Variants in RBFOX1 observed in about 807,000 individuals in gnomAD.
RBFOX1 encodes the protein RNA binding fox-1 homolog 1.
RBFOX1 carries 8 observed loss-of-function variants against 57.7 expected under a neutral mutation model. The observed-to-expected ratio is 0.14, with a 90% confidence interval of 0.08 to 0.25. The LOEUF (loss-of-function observed/expected upper bound fraction) is 0.25, where lower values mean the gene tolerates loss of function less well. Ranked by LOEUF, RBFOX1 falls within the 10% of genes least tolerant of loss-of-function variation. The probability of loss-of-function intolerance (pLI) is 1.00; values close to 1 mark genes in which losing one functional copy is unlikely to be tolerated. For missense variants in RBFOX1, 611 were observed against 548.5 expected, an observed-to-expected ratio of 1.11 and a Z score of -1.14; for synonymous variants, 326 against 222.4, an observed-to-expected ratio of 1.47 and a Z score of -4.15.
intron 1 of RBFOX1, among the ~76,000 whole-genome samples, chr16:5,402,106 C>T (rs897585437): frequency 2.0e-5 from 3 of 151,886 alleles, no homozygotes; most frequent in African/African-American, 7.3e-5. Flanking sequence ...GGGCATTTAC[C>T]AGTCCCAGGC....
chr16:7,299,472 C>T (rs891657458), intron 4 of RBFOX1, among the ~76,000 whole-genome samples: 1 of 152,214 alleles, frequency 6.6e-6, no homozygotes, highest in Admixed American at 6.5e-5. Flanking sequence ...TACACAGAAT[C>T]AGGCTCTAAT....
intron 5 of RBFOX1, among the ~76,000 whole-genome samples, chr16:7,536,064 A>G (rs900734426): frequency 2.0e-5 from 3 of 152,228 alleles, no homozygotes; most frequent in Admixed American, 1.3e-4. Flanking sequence ...GAATGCAGCC[A>G]GCCATCTGTA....
intron 4 of RBFOX1, among the ~76,000 whole-genome samples, chr16:7,058,595 C>T (rs1448032752): frequency 6.6e-6 from 1 of 151,736 alleles, no homozygotes; most frequent in African/African-American, 2.4e-5. Context: ...TGTGTGCATG[C>T]GCATGTGTCT....
chr16:7,168,999 A>G (rs2080140889), intron 4 of RBFOX1, among the ~76,000 whole-genome samples: 1 of 152,188 alleles, frequency 6.6e-6, no homozygotes, highest in Admixed American at 6.5e-5. Flanking sequence ...AGAGCAATAA[A>G]CTATAGCACA....
intron 2 of RBFOX1, among the ~76,000 whole-genome samples, chr16:6,653,064 T>G (rs542679386): frequency 1.3e-5 from 2 of 152,182 alleles, no homozygotes; most frequent in Non-Finnish European, 2.9e-5. Context: ...CTCTTTCCAG[T>G]GCATTTCCCC....
intron 3 of RBFOX1, among the ~76,000 whole-genome samples, chr16:6,676,527 T>A (rs965421507): frequency 3.3e-5 from 5 of 152,094 alleles, no homozygotes; most frequent in African/African-American, 1.2e-4. Flanking sequence ...TTACACATTC[T>A]ATGCATATAA....
chr16:5,563,660 T>C (rs2045964715), intron 2 of RBFOX1, among the ~76,000 whole-genome samples: 1 of 152,216 alleles, frequency 6.6e-6, no homozygotes, highest in Non-Finnish European at 1.5e-5. Flanking sequence ...ATAGTAGTTT[T>C]TTAAAATTAC....
intron 4 of RBFOX1, among the ~76,000 whole-genome samples, chr16:7,484,814 C>A (rs1289684786): frequency 2.0e-5 from 3 of 152,132 alleles, no homozygotes; most frequent in Non-Finnish European, 4.4e-5. Context: ...TGTTATGTAT[C>A]TAACTAGCAT....
At chr16:7,600,165 A>T (rs1395334159) in intron 9 of RBFOX1, among the ~76,000 whole-genome samples, 1 of 152,184 alleles carries the variant, frequency 6.6e-6, no homozygotes, top group Non-Finnish European at 1.5e-5. Flanking sequence ...TAAGTCAGTC[A>T]TATGGGTCTG....
chr16:5,814,912 G>C (rs1234203526), intron 3 of RBFOX1, among the ~76,000 whole-genome samples: 1 of 151,978 alleles, frequency 6.6e-6, no homozygotes, highest in Admixed American at 6.6e-5. Flanking sequence ...GTCCGGCCTG[G>C]GCGACAGAGC....
At chr16:6,971,639 A>T (rs1012390936) in intron 3 of RBFOX1, among the ~76,000 whole-genome samples, 1 of 152,114 alleles carries the variant, frequency 6.6e-6, no homozygotes, top group Non-Finnish European at 1.5e-5. Flanking sequence ...AATGGAGTCA[A>T]ACATTCCAAT....
chr16:5,307,153 T>C (rs2063959454), intron 1 of RBFOX1, among the ~76,000 whole-genome samples: 1 of 152,192 alleles, frequency 6.6e-6, no homozygotes, highest in South Asian at 2.1e-4. Flanking sequence ...TACTCGCTTA[T>C]TACATTTCAG....
chr16:6,322,960 A>G (rs2081981535), intron 2 of RBFOX1, among the ~76,000 whole-genome samples: 1 of 152,040 alleles, frequency 6.6e-6, no homozygotes, highest in Non-Finnish European at 1.5e-5. Context: ...ACCCCCACAC[A>G]CTGTTGTTTA....
At chr16:7,217,424 C>A (rs978741331) in intron 4 of RBFOX1, among the ~76,000 whole-genome samples, 6 of 151,156 alleles carry the variant, frequency 4.0e-5, no homozygotes, top group African/African-American at 1.5e-4. Context: ...CCACCACGTC[C>A]AGCCAGGAAA....
chr16:7,394,618 C>G (rs1050024565), intron 4 of RBFOX1, among the ~76,000 whole-genome samples: 2 of 152,156 alleles, frequency 1.3e-5, no homozygotes, highest in Non-Finnish European at 2.9e-5. Flanking sequence ...CCAACGGGTG[C>G]CACTACAGTG....
At chr16:6,633,895 TAG>T (rs1226369944) in intron 2 of RBFOX1, among the ~76,000 whole-genome samples, 96 of 152,180 alleles carry the variant, frequency 6.3e-4, no homozygotes, top group Middle Eastern at 3.4e-3. Flanking sequence ...CCTGTAGTCC[TAG>T]CGACTCAGGA....
chr16:7,409,226 G>A (rs980986717), intron 4 of RBFOX1, among the ~76,000 whole-genome samples: 2 of 152,162 alleles, frequency 1.3e-5, no homozygotes, highest in African/African-American at 4.8e-5. Flanking sequence ...CTCTGATGTG[G>A]TCTTATCAGG....
chr16:7,466,834 C>T (rs1032076348), intron 4 of RBFOX1, among the ~76,000 whole-genome samples: 2 of 152,090 alleles, frequency 1.3e-5, no homozygotes, highest in African/African-American at 4.8e-5. Flanking sequence ...ACCATACTTC[C>T]AAAGGAATAA....
intron 4 of RBFOX1, among the ~76,000 whole-genome samples, chr16:7,484,665 T>A (rs1008607054): frequency 6.6e-6 from 1 of 152,188 alleles, no homozygotes; most frequent in Admixed American, 6.5e-5. Flanking sequence ...GGTTTCACCA[T>A]GTTGGTCAGG....
Sources: allele counts gnomAD v4.1 joint callset (sites outside exome capture counted in the v4.1 genomes callset), GRCh38; gene constraint gnomAD v4.1.1; transcripts MANE v1.5; gene names NCBI Gene and HGNC (gene_info 2026-07-23, HGNC 2026-07-21).